EPB41L4A: variants seen among roughly 807,000 people sequenced by gnomAD.
EPB41L4A encodes erythrocyte membrane protein band 4.1 like 4A.
A neutral mutation model predicts 108.6 loss-of-function variants in EPB41L4A; 100 were observed. That is an observed-to-expected ratio of 0.92 (90% confidence interval 0.78 to 1.09). The LOEUF is 1.09. EPB41L4A is among the 50% of genes least tolerant of loss of function. EPB41L4A has a pLI of 0.00. For synonymous variants in EPB41L4A, 319 were observed against 289.0 expected, an observed-to-expected ratio of 1.10 and a Z score of -1.05; for missense variants, 1,030 against 842.7, an observed-to-expected ratio of 1.22 and a Z score of -2.75.
intron 9 of EPB41L4A, among the ~76,000 whole-genome samples, chr5:112,242,273 A>C (rs984304013): frequency 1.3e-5 from 2 of 152,218 alleles, no homozygotes; most frequent in African/African-American, 4.8e-5. Flanking sequence ...TTTATCAATT[A>C]AGTTTGTGTA....
At chr5:112,226,258 C>A (rs932908468) in intron 12 of EPB41L4A, among the ~76,000 whole-genome samples, 1 of 152,094 alleles carries the variant, frequency 6.6e-6, no homozygotes, top group African/African-American at 2.4e-5. Context: ...GGAGTAGTTC[C>A]GCTGATATTA....
intron 11 of EPB41L4A, among the ~76,000 whole-genome samples, chr5:112,235,868 G>T (rs1749294884): frequency 6.6e-6 from 1 of 152,150 alleles, no homozygotes; most frequent in Admixed American, 6.5e-5. Flanking sequence ...TGGAAATTCG[G>T]GAGGGGAGAG....
At chr5:112,142,316 C>T (rs1227945501), downstream of EPB41L4A, 2 of 152,238 alleles carry the variant, frequency 1.3e-5, no homozygotes, top group South Asian at 4.1e-4. Context: ...CATCTTCTGG[C>T]TTCCCATTTG....
chr5:112,399,048 C>T (rs17134478), intron 1 of EPB41L4A, among the ~76,000 whole-genome samples: 14,412 of 152,018 alleles, frequency 0.095, 2,251 homozygotes, highest in African/African-American at 0.32. Flanking sequence ...GACCAACGTG[C>T]GGAGCGGTGA....
chr5:112,251,246 A>G (rs1750645484), intron 9 of EPB41L4A, among the ~76,000 whole-genome samples: 1 of 152,190 alleles, frequency 6.6e-6, no homozygotes, highest in South Asian at 2.1e-4. Flanking sequence ...AAACTACATA[A>G]GTACTTACCC....
intron 7 of EPB41L4A, 150 bp from the exon 8 acceptor site, chr5:112,260,129 G>C (rs576894988): frequency 1.6e-6 from 1 of 612,238 alleles, no homozygotes; most frequent in South Asian, 2.2e-5. Context: ...CACTATGATA[G>C]TAGCTAACTT....
intron 2 of EPB41L4A, among the ~76,000 whole-genome samples, chr5:112,282,689 G>A (rs1459201198): frequency 6.6e-6 from 1 of 152,088 alleles, no homozygotes; most frequent in African/African-American, 2.4e-5. Context: ...TGTAACATTG[G>A]GATTTAATTT....
At chr5:112,180,770 C>CCA (rs910143771) in intron 18 of EPB41L4A, among the ~76,000 whole-genome samples, 12 of 151,678 alleles carry the variant, frequency 7.9e-5, no homozygotes, top group Admixed American at 7.2e-4. Flanking sequence ...AAAATGCAAA[C>CCA]CACAGCCTGG....
At position 112,194,636 on chromosome 5, in the gene EPB41L4A, T is replaced by C; in HGVS notation, c.1434A>G (p.Ser478=). 6.2e-7 allele frequency: 1 copy of C among 1,603,520 alleles called. No individual in the cohort carries two copies. The highest frequency in any genetic ancestry group is 1.3e-5 in the African/African-American group (1 of 74,476). Residue 478 remains serine (S), a synonymous_variant, in exon 17 of 23, where the codon TCA becomes TCG. Coordinates refer to ENST00000261486, the MANE Select transcript of EPB41L4A (RefSeq NM_022140.5). ...SDLKQRRRSR[S]RCNTSSGSES... Reference sequence around the variant, plus strand: ...CACTACCACTGCTGGTGTTACAGCGTGAACGTGACCTGAAGACAAAAAGGT... The same window carrying C: ...CACTACCACTGCTGGTGTTACAGCGCGAACGTGACCTGAAGACAAAAAGGT...
chr5:112,157,671 T>TG (rs1240261814), downstream of EPB41L4A, among the ~76,000 whole-genome samples: 1 of 152,226 alleles, frequency 6.6e-6, no homozygotes, highest in Non-Finnish European at 1.5e-5. Context: ...CTGCCAAATC[T>TG]CTAACTCTTC....
upstream of EPB41L4A, chr5:112,419,371 G>C: frequency 2.8e-6 from 1 of 362,658 alleles, no homozygotes; most frequent in South Asian, 2.2e-5. Flanking sequence ...TCCTGGGGAC[G>C]ACAAAAGTCT....
At chr5:112,399,405 G>A (rs1418163589) in intron 1 of EPB41L4A, among the ~76,000 whole-genome samples, 1 of 152,170 alleles carries the variant, frequency 6.6e-6, no homozygotes, top group East Asian at 1.9e-4. Flanking sequence ...TCCCCACTAA[G>A]TTGTAAGCTC....
chr5:112,325,554 G>A (rs1415103713), intron 1 of EPB41L4A, among the ~76,000 whole-genome samples: 1 of 152,022 alleles, frequency 6.6e-6, no homozygotes, highest in African/African-American at 2.4e-5. Flanking sequence ...GTGGTAAGAA[G>A]CTATTATTTT....
At chr5:112,320,733 G>A (rs1259055123) in intron 1 of EPB41L4A, among the ~76,000 whole-genome samples, 1 of 152,142 alleles carries the variant, frequency 6.6e-6, no homozygotes, top group Non-Finnish European at 1.5e-5. Flanking sequence ...TTATTCAGTG[G>A]CCTACGTAGT....
At chr5:112,239,576 A>G in intron 11 of EPB41L4A, 84 bp downstream of exon 11, 1 of 797,240 alleles carries the variant, frequency 1.3e-6, no homozygotes, top group East Asian at 3.2e-5. Context: ...AAAAATAAAT[A>G]AATAACTTCA....
intron 13 of EPB41L4A, among the ~76,000 whole-genome samples, chr5:112,208,538 G>C (rs996575085): frequency 6.6e-6 from 1 of 152,046 alleles, no homozygotes; most frequent in Non-Finnish European, 1.5e-5. Context: ...AGTACACATG[G>C]ACATAAAGAT....
At chr5:112,274,775 A>G (rs1325835182) in intron 4 of EPB41L4A, among the ~76,000 whole-genome samples, 3 of 152,214 alleles carry the variant, frequency 2.0e-5, no homozygotes, top group Non-Finnish European at 2.9e-5. Context: ...ATTAATACCA[A>G]TAGGAAATTC....
chr5:112,215,762 C>CAAAAAAAAAAAAAAA (rs374126290), intron 12 of EPB41L4A, among the ~76,000 whole-genome samples: 4 of 101,376 alleles, frequency 3.9e-5, no homozygotes, highest in Admixed American at 1.2e-4. Flanking sequence ...GACTCCATCT[C>CAAAAAAAAAAAAAAA]AAAAAAAAAA....
intron 12 of EPB41L4A, among the ~76,000 whole-genome samples, chr5:112,223,445 C>G (rs1748222866): frequency 6.6e-6 from 1 of 152,064 alleles, no homozygotes; most frequent in African/African-American, 2.4e-5. Context: ...CACCTCAGAA[C>G]AATGAATTCT....
Sources: gnomAD v4.1 joint callset for allele counts (sites outside exome capture counted in the v4.1 genomes callset) on GRCh38, gnomAD v4.1.1 for gene constraint, MANE v1.5 for transcripts, NCBI Gene and HGNC (gene_info 2026-07-23, HGNC 2026-07-21) for gene names.